EPHA6: variants seen among roughly 807,000 people sequenced by gnomAD.
EPHA6 encodes EPH receptor A6, also known as ephrin type-A receptor 6.
Under a neutral mutation model 112.0 loss-of-function variants are expected in EPHA6, and 50 were observed. That is an observed-to-expected ratio of 0.45 (90% CI 0.36 to 0.56). EPHA6 has a LOEUF of 0.56. Ranked by LOEUF, EPHA6 falls within the 20% of genes least tolerant of loss-of-function variation. The pLI is 0.00. For missense variants in EPHA6, 1,280 were observed against 1,417.4 expected (o/e 0.90, Z 1.56); for synonymous variants, 529 against 490.7 (o/e 1.08, Z -1.03).
intron 13 of EPHA6, among the ~76,000 whole-genome samples, chr3:97,611,076 C>A (rs2093716077): frequency 6.6e-6 from 1 of 151,540 alleles, no homozygotes; most frequent in East Asian, 1.9e-4. Flanking sequence ...CCTCTAAATT[C>A]ACTTGCTATA....
At chr3:97,045,784 G>C (rs1407591134) in intron 3 of EPHA6, among the ~76,000 whole-genome samples, 2 of 152,050 alleles carry the variant, frequency 1.3e-5, no homozygotes, top group Non-Finnish European at 2.9e-5. Flanking sequence ...AGCAATGTTT[G>C]ACCACTGCCC....
intron 1 of EPHA6, among the ~76,000 whole-genome samples, chr3:96,839,478 C>G (rs1317315008): frequency 2.0e-5 from 3 of 151,950 alleles, no homozygotes; most frequent in Admixed American, 1.3e-4. Flanking sequence ...GAAACTGGTC[C>G]CTGGTGCCAA....
At chr3:97,390,707 G>A (rs2086349347) in intron 5 of EPHA6, among the ~76,000 whole-genome samples, 1 of 151,840 alleles carries the variant, frequency 6.6e-6, no homozygotes, top group African/African-American at 2.4e-5. Context: ...AAAATCTATG[G>A]AACTCAGCAA....
chr3:97,624,801 A>G (rs2093842370), intron 13 of EPHA6, among the ~76,000 whole-genome samples: 1 of 151,240 alleles, frequency 6.6e-6, no homozygotes, highest in African/African-American at 2.4e-5. Context: ...GTTCCTAGGA[A>G]TTTTTCCATT....
chr3:97,581,635 A>T (rs2093439143), intron 11 of EPHA6, among the ~76,000 whole-genome samples: 1 of 152,264 alleles, frequency 6.6e-6, no homozygotes, highest in South Asian at 2.1e-4. Context: ...TCCTCATAAC[A>T]TCAAATTTCC....
At chr3:97,351,725 T>C (rs1173794262) in intron 5 of EPHA6, among the ~76,000 whole-genome samples, 1 of 152,154 alleles carries the variant, frequency 6.6e-6, no homozygotes, top group African/African-American at 2.4e-5. Flanking sequence ...TAAAACTGGA[T>C]TTAATTTTCC....
chr3:97,261,344 G>T (rs1273617957), intron 5 of EPHA6, among the ~76,000 whole-genome samples: 1 of 152,102 alleles, frequency 6.6e-6, no homozygotes. Context: ...TTGAGAGTCA[G>T]ATACACCATA....
chr3:97,264,260 C>T (rs2079599493), intron 5 of EPHA6, among the ~76,000 whole-genome samples: 1 of 152,204 alleles, frequency 6.6e-6, no homozygotes, highest in Non-Finnish European at 1.5e-5. Flanking sequence ...TCCCATGCCT[C>T]CAAGGGAGAA....
chr3:97,020,566 G>T (rs2044421323), intron 3 of EPHA6, among the ~76,000 whole-genome samples: 1 of 152,092 alleles, frequency 6.6e-6, no homozygotes. Flanking sequence ...ACTAAGAATT[G>T]TAGTTTTGTG....
At chr3:97,145,380 C>T (rs2076015301) in intron 3 of EPHA6, among the ~76,000 whole-genome samples, 1 of 151,100 alleles carries the variant, frequency 6.6e-6, no homozygotes, top group Non-Finnish European at 1.5e-5. Flanking sequence ...CTGTATTTTT[C>T]TTCCTTTAAA....
intron 4 of EPHA6, among the ~76,000 whole-genome samples, chr3:97,241,857 A>G (rs2078859663): frequency 6.6e-6 from 1 of 151,066 alleles, no homozygotes; most frequent in African/African-American, 2.4e-5. Flanking sequence ...TAGAATGAAA[A>G]TATAAGTGAA....
At chr3:97,654,469 A>G (rs1282667219) in intron 14 of EPHA6, among the ~76,000 whole-genome samples, 1 of 151,990 alleles carries the variant, frequency 6.6e-6, no homozygotes, top group Non-Finnish European at 1.5e-5. Flanking sequence ...GAAATAAAAA[A>G]TAATTTTTAA....
intron 3 of EPHA6, among the ~76,000 whole-genome samples, chr3:97,193,124 T>C (rs1293580173): frequency 6.6e-6 from 1 of 152,098 alleles, no homozygotes; most frequent in Non-Finnish European, 1.5e-5. Flanking sequence ...CTATTCTAGG[T>C]CTTTTGTGCT....
intron 12 of EPHA6, among the ~76,000 whole-genome samples, chr3:97,596,039 G>A (rs1349605433): frequency 1.3e-5 from 2 of 151,360 alleles, no homozygotes; most frequent in Non-Finnish European, 2.9e-5. Context: ...ACGAGTAGCT[G>A]GGACTACAGG....
chr3:96,953,117 T>C (rs2041619250), intron 2 of EPHA6, among the ~76,000 whole-genome samples: 1 of 152,208 alleles, frequency 6.6e-6, no homozygotes, highest in African/African-American at 2.4e-5. Context: ...TATGTTTTTC[T>C]CATATATCAT....
intron 3 of EPHA6, among the ~76,000 whole-genome samples, chr3:97,169,655 C>T (rs2076638084): frequency 6.6e-6 from 1 of 152,088 alleles, no homozygotes; most frequent in Non-Finnish European, 1.5e-5. Context: ...TTCATAGATA[C>T]ATATTTGCAC....
chr3:97,529,425 G>A (rs2092670105), intron 10 of EPHA6, among the ~76,000 whole-genome samples: 1 of 151,772 alleles, frequency 6.6e-6, no homozygotes, highest in Non-Finnish European at 1.5e-5. Flanking sequence ...TTACAACTAT[G>A]TATTGGAAAA....
intron 5 of EPHA6, among the ~76,000 whole-genome samples, chr3:97,373,894 G>A (rs1446123424): frequency 6.6e-6 from 1 of 151,984 alleles, no homozygotes; most frequent in African/African-American, 2.4e-5. Flanking sequence ...TTTATATGAA[G>A]CCCTTGCTGG....
At chr3:97,663,022 T>C (rs1389699475) in intron 14 of EPHA6, among the ~76,000 whole-genome samples, 2 of 152,194 alleles carry the variant, frequency 1.3e-5, no homozygotes, top group African/African-American at 4.8e-5. Flanking sequence ...GATCAATGAC[T>C]ACTAAGGATA....
Sources: gnomAD v4.1 joint callset for allele counts (sites outside exome capture counted in the v4.1 genomes callset) on GRCh38, gnomAD v4.1.1 for gene constraint, MANE v1.5 for transcripts, NCBI Gene and HGNC (gene_info 2026-07-23, HGNC 2026-07-21) for gene names.